POMGNT1: variants seen among roughly 807,000 people sequenced by gnomAD.
The protein encoded by POMGNT1 is protein O-linked-mannose beta-1,2-N-acetylglucosaminyltransferase 1.
A neutral mutation model predicts 95.6 loss-of-function variants in POMGNT1; 67 were observed. The ratio of observed to expected loss-of-function variants is 0.70; its 90% CI spans 0.58 to 0.86. The LOEUF is 0.86. Ranked by LOEUF, POMGNT1 falls within the 40% of genes least tolerant of loss-of-function variation. The pLI, the probability that POMGNT1 is intolerant of heterozygous loss-of-function variation, is 0.00. For synonymous variants in POMGNT1, 298 were observed against 317.9 expected (o/e 0.94, Z 0.66); for missense variants, 719 against 855.2 (o/e 0.84, Z 1.99).
At position 46,193,379 on chromosome 1, in the gene POMGNT1, C is replaced by G. The variant is rs754255569; in HGVS notation, c.1036G>C (p.Asp346His). The change falls in exon 12 of 22, where the codon GAT (aspartate) becomes CAT (histidine). Residue 346 changes from aspartate (D) to histidine (H), a missense_variant. By Grantham distance (81) the Asp-to-His change is moderately conservative. Around this residue, in one of 5 missense-constraint regions of POMGNT1, gnomAD observed 466 missense variants for 517.4 expected, o/e 0.90. Transcript: ENST00000371984. ...FIDGYYEEPM[D>H]VVALFGLRGI... is the part of the protein sequence containing the mutation. The stretch of plus-strand genomic sequence containing the variant: ...CTCAGACCAAACAGTGCCACCACAT[C>G]CATGGGTTCCTGGGGGACATGGCCA... The G allele has an allele frequency of 3.1e-6, 5 of 1,612,636 alleles. No homozygotes were observed. In the Admixed American group the frequency reaches 8.4e-5, roughly 27 times the overall value.
chr1:46,189,259 T>C lies in POMGNT1; in HGVS notation c.*11A>G, dbSNP rs772014576. The C allele has an allele frequency of 1.2e-6, 2 of 1,612,570 alleles. No homozygotes were observed. The highest frequency in any genetic ancestry group is 3.3e-5 in the Admixed American group (2 of 59,806). ...CACAGTACCCAGCCCCGCAGGGTCC[T>C]GGAGGAGGTCTCATGTCTGTTCTGG... On this transcript the variant is annotated 3_prime_UTR_variant, in exon 22 of 22. Transcript: ENST00000371984.
intron 1 of POMGNT1, chr1:46,203,437 C>T: frequency 6.8e-7 from 1 of 1,473,280 alleles, no homozygotes; most frequent in African/African-American, 1.5e-5. Flanking sequence ...ATGGAGGGGA[C>T]CGTGGAGTCC....
Position 46,189,079 on chromosome 1 carries a change from T to C in POMGNT1, c.*191A>G, listed in dbSNP as rs1571644792. The C allele has an allele frequency of 2.6e-6, 4 of 1,515,072 alleles. No homozygotes were observed. Among genetic ancestry groups the C allele is most frequent in the South Asian group, 2.7e-5 (2 of 74,952 alleles). 93.9% of individuals were successfully genotyped at this position (1,515,072 alleles called of 1,614,324 possible). A position where few individuals can be genotyped will look rare whatever the true frequency, so the allele number is the denominator to read the frequency against. On this transcript the variant is annotated 3_prime_UTR_variant, in exon 22 of 22. Coordinates refer to ENST00000371984, the MANE Select transcript of POMGNT1 (RefSeq NM_017739.4). ...CTTCTCCAACAAGGAAGTAAATAAATAGACTTTTAACTCAGGAACGGGGTG... is the reference window on the plus strand; with the variant it reads ...CTTCTCCAACAAGGAAGTAAATAAACAGACTTTTAACTCAGGAACGGGGTG...
At chr1:46,197,672 C>T (rs752293799) in intron 2 of POMGNT1, 30 bp downstream of exon 2, 6 of 1,613,632 alleles carry the variant, frequency 3.7e-6, no homozygotes, top group Non-Finnish European at 5.1e-6. Context: ...AGGGAGCGCT[C>T]GGTGGGGAGG....
At chr1:46,219,197 A>C (rs1479519500) in intron 1 of POMGNT1, among the ~76,000 whole-genome samples, 2 of 151,954 alleles carry the variant, frequency 1.3e-5, no homozygotes, top group African/African-American at 4.8e-5. Flanking sequence ...TGGGAGACTG[A>C]GGCAGGAGAA....
Position 46,196,805 on chromosome 1 carries a change from C to G in POMGNT1, c.280G>C (p.Gly94Arg). Reference protein sequence around the residue: ...RLEPPRRRGSGPRRVLDVEVY... With the variant: ...RLEPPRRRGSRPRRVLDVEVY... ...TCTACGTCCAGGACCCGCCGGGGAC[C>G]ACTGCCTCTGCGCCGTGGGGGCTCC... is the stretch of plus-strand genomic sequence containing the variant. Residue 94 changes from glycine to arginine, a missense_variant, in exon 4 of 22, where the codon GGT becomes CGT. Gly to Arg is a moderately radical substitution (Grantham distance 125). Coordinates refer to ENST00000371984, the MANE Select transcript of POMGNT1 (RefSeq NM_017739.4). This position sits in a 1 kb window ranked among gnomAD's most constrained non-coding sequence, Gnocchi z 4.4. 1 of 1,614,224 alleles carries G rather than the reference C, an allele frequency of 6.2e-7. No homozygotes were observed.
chr1:46,197,615 G>A, intron 2 of POMGNT1, 87 bp downstream of exon 2: 2 of 1,592,358 alleles, frequency 1.3e-6, no homozygotes, highest in African/African-American at 2.7e-5. Flanking sequence ...CACTGGGGCT[G>A]GCCAACAGGG....
At chr1:46,198,206 T>C (rs1261645043) in intron 1 of POMGNT1, 130 bp downstream of exon 1, 1 of 213,962 alleles carries the variant, frequency 4.7e-6, no homozygotes, top group East Asian at 1.2e-4. Flanking sequence ...CCTGCCCCAG[T>C]CTTCAACCCT....
rs777662154 is a variant in POMGNT1 at position 46,194,652 on chromosome 1, CT to C, written c.653-2del. On this transcript the variant is annotated splice_acceptor_variant, in intron 7 of 21. Coordinates refer to ENST00000371984, the MANE Select transcript of POMGNT1 (RefSeq NM_017739.4). LOFTEE classifies it high-confidence loss of function. ...GAATGTTTCTCCCCGAAGACAGGAC[CT>C]GGCAGGAGGCAGGAATGAGGGCCAT... is the stretch of plus-strand genomic sequence containing the variant. The C allele has an allele frequency of 1.2e-6, 2 of 1,614,256 alleles. No homozygotes were observed. Among genetic ancestry groups the C allele is most frequent in the South Asian group, 2.2e-5 (2 of 91,090 alleles).
intron 1 of POMGNT1, among the ~76,000 whole-genome samples, chr1:46,214,628 A>C (rs1015301442): frequency 1.3e-5 from 2 of 151,916 alleles, no homozygotes; most frequent in African/African-American, 4.8e-5. Context: ...AGCACTTGGG[A>C]GGCCAAGGCA....
At chr1:46,216,742 A>G (rs773845776) in intron 1 of POMGNT1, among the ~76,000 whole-genome samples, 10 of 152,188 alleles carry the variant, frequency 6.6e-5, no homozygotes, top group Non-Finnish European at 1.2e-4. Context: ...CCCATCACCC[A>G]GGAAGTGAGC....
chr1:46,216,409 A>G (rs1659072485), intron 1 of POMGNT1, among the ~76,000 whole-genome samples: 2 of 152,002 alleles, frequency 1.3e-5, no homozygotes, highest in African/African-American at 4.8e-5. Flanking sequence ...TGGCACCACC[A>G]TGGATCACTG....
Position 46,189,864 on chromosome 1 carries a change from T to G in POMGNT1, c.1775A>C (p.Gln592Pro), listed in dbSNP as rs1478943022. The change falls in exon 20 of 22, where the codon CAG (glutamine) becomes CCG (proline). Residue 592 changes from glutamine to proline, a missense_variant. Transcript: ENST00000371984. Reference sequence around the variant, plus strand: ...ATGGTATTGGAGCACCTTGGCAAGCTGGGTCCAGGTGGTGAAGTCATCATC... The same window carrying G: ...ATGGTATTGGAGCACCTTGGCAAGCGGGGTCCAGGTGGTGAAGTCATCATC... ...EKDDDFTTWT[Q>P]LAKCLHIWDL... 6.2e-7 allele frequency: 1 copy of G among 1,613,872 alleles called. No individual in the cohort carries two copies. The highest frequency in any genetic ancestry group is 8.5e-7 in the Non-Finnish European group (1 of 1,179,992).
At chr1:46,209,503 A>G (rs973402955) in intron 1 of POMGNT1, among the ~76,000 whole-genome samples, 1 of 151,598 alleles carries the variant, frequency 6.6e-6, no homozygotes, top group African/African-American at 2.4e-5. Flanking sequence ...TTTATCTAGC[A>G]GAAGACTGGA....
chr1:46,190,280 A>G (rs1208118857), intron 19 of POMGNT1, 193 bp downstream of exon 19: 3 of 760,852 alleles, frequency 3.9e-6, no homozygotes, highest in African/African-American at 1.7e-5. Flanking sequence ...TCCTGACCTC[A>G]TGATCCACCC....
rs766287639 is a variant in POMGNT1 at position 46,194,681 on chromosome 1, G to A, written c.653-30C>T. The A allele has an allele frequency of 3.7e-6, 6 of 1,614,242 alleles. No individual in the cohort carries two copies. The East Asian group carries it at 8.9e-5, about 24-fold the overall frequency. On this transcript the variant is annotated intron_variant, in intron 7 of 21. Transcript: ENST00000371984. ...CAGGAGGCAGGAATGAGGGCCATGGGGGCCCAGACACCAGTTTGGGGGCTT... is the reference window on the plus strand; with the variant it reads ...CAGGAGGCAGGAATGAGGGCCATGGAGGCCCAGACACCAGTTTGGGGGCTT...
At chr1:46,190,960 G>A in intron 17 of POMGNT1, 176 bp from the exon 18 acceptor site, 2 of 655,958 alleles carry the variant, frequency 3.0e-6, no homozygotes, top group Non-Finnish European at 5.6e-6. Flanking sequence ...GCTCTTACTA[G>A]CTTTAATTTG....
chr1:46,218,479 G>A (rs977430941), intron 1 of POMGNT1, among the ~76,000 whole-genome samples: 3 of 152,236 alleles, frequency 2.0e-5, no homozygotes, highest in African/African-American at 7.2e-5. Flanking sequence ...TGCTAGAGGC[G>A]AAACTATAGA....
chr1:46,209,711 A>G (rs937019600), intron 1 of POMGNT1, among the ~76,000 whole-genome samples: 2 of 151,808 alleles, frequency 1.3e-5, no homozygotes, highest in Admixed American at 6.6e-5. Context: ...GGGTTTTGCC[A>G]TGTTGGCCAG....
Sources: allele counts gnomAD v4.1 joint callset (sites outside exome capture counted in the v4.1 genomes callset), GRCh38; gene constraint gnomAD v4.1.1; regional missense constraint gnomAD v4.1.1; non-coding constraint Gnocchi (gnomAD v3.1); transcripts MANE v1.5; gene names NCBI Gene and HGNC (gene_info 2026-07-23, HGNC 2026-07-21).